Variants in STAT5B observed in about 807,000 individuals in gnomAD.
The protein encoded by STAT5B is transcription factor STAT5B.
STAT5B carries 21 observed loss-of-function variants against 107.8 expected under a neutral mutation model. The observed-to-expected ratio is 0.19, with a 90% confidence interval of 0.14 to 0.28. The LOEUF (loss-of-function observed/expected upper bound fraction) is 0.28. STAT5B is among the 10% of genes least tolerant of loss of function. STAT5B has a pLI of 1.00. For synonymous variants in STAT5B, 325 were observed against 401.7 expected (o/e 0.81, Z 2.28); for missense variants, 565 against 1,008.2 (o/e 0.56, Z 5.95).
At chr17:42,214,678 T>C (rs2080156136) in intron 12 of STAT5B, 7 of 957,302 alleles carry the variant, frequency 7.3e-6, no homozygotes, top group Non-Finnish European at 8.7e-6. Context: ...ATGTCCCAAA[T>C]GATAACCCTT....
intron 1 of STAT5B, among the ~76,000 whole-genome samples, chr17:42,249,225 C>G (rs1289467972): frequency 6.6e-6 from 1 of 152,098 alleles, no homozygotes; most frequent in Non-Finnish European, 1.5e-5. Flanking sequence ...AACCCCGTCT[C>G]TACCAAAAAT....
chr17:42,258,463 G>A (rs1034492816), intron 1 of STAT5B, among the ~76,000 whole-genome samples: 3 of 152,216 alleles, frequency 2.0e-5, no homozygotes, highest in Admixed American at 2.0e-4. Flanking sequence ...AGGATCACCT[G>A]AGGTCAGGAG....
intron 1 of STAT5B, among the ~76,000 whole-genome samples, chr17:42,245,613 C>T (rs1024150762): frequency 6.6e-6 from 1 of 151,998 alleles, no homozygotes; most frequent in African/African-American, 2.4e-5. Flanking sequence ...ACCTCCGCCC[C>T]CCAGGTTCAA....
In STAT5B at chr17:42,200,733, A is replaced by G. The variant is rs2080037160; in HGVS notation, c.*1005T>C. 1 of 207,826 alleles carries G rather than the reference A, an allele frequency of 4.8e-6. No individual in the cohort carries two copies. Among genetic ancestry groups the G allele is most frequent in the Non-Finnish European group, 9.5e-6 (1 of 105,210 alleles). 12.9% of individuals were successfully genotyped at this position (207,826 alleles called of 1,614,324 possible). A position where few individuals can be genotyped will look rare whatever the true frequency, so the allele number is the denominator to read the frequency against. On this transcript the variant is annotated 3_prime_UTR_variant, in exon 19 of 19. Transcript: ENST00000293328. ...GGGTGGCAAGGAGAAAACAAAAAAG[A>G]TCCAACTTAGAAACAGAACCATGAT...
rs114319120 is a variant in STAT5B, at chr17:42,226,260, T to A, written c.285+1269A>T. ...TACATTAATTATTTTAAAATGCCAA[T>A]GTAATGAAAGACAAAGTAAGGTTGC... On this transcript the variant is annotated intron_variant, in intron 3 of 18. Coordinates refer to ENST00000293328, the MANE Select transcript of STAT5B (RefSeq NM_012448.4). Among the ~76,000 whole-genome samples, 521 of 152,114 alleles carry A rather than the reference T, an allele frequency of 3.4e-3. 1 individual carries two copies. The highest frequency in any genetic ancestry group is 0.012 in the African/African-American group (498 of 41,484).
chr17:42,230,140 AT>A (rs1216781394), intron 2 of STAT5B, among the ~76,000 whole-genome samples: 5 of 151,996 alleles, frequency 3.3e-5, no homozygotes, highest in South Asian at 2.1e-4. Flanking sequence ...TATTTAGCTA[AT>A]TTTTTTCCCT....
At chr17:42,206,380 G>A (rs2080085094) in intron 16 of STAT5B, among the ~76,000 whole-genome samples, 1 of 150,716 alleles carries the variant, frequency 6.6e-6, no homozygotes, top group Non-Finnish European at 1.5e-5. Context: ...ATGAGCCACC[G>A]CGCCCGGCCT....
chr17:42,213,458 T>G (rs947940254), intron 12 of STAT5B, among the ~76,000 whole-genome samples: 1 of 152,030 alleles, frequency 6.6e-6, no homozygotes, highest in African/African-American at 2.4e-5. Flanking sequence ...CCGCTTGCCT[T>G]GGCCTCCCAA....
intron 16 of STAT5B, among the ~76,000 whole-genome samples, chr17:42,204,537 G>GT (rs2080071355): frequency 6.6e-6 from 1 of 152,184 alleles, no homozygotes; most frequent in Admixed American, 6.5e-5. Context: ...TTCATAACAT[G>GT]TTTTTTGTGC....
intron 15 of STAT5B, among the ~76,000 whole-genome samples, chr17:42,208,121 T>C (rs1258680130): frequency 1.5e-4 from 23 of 152,050 alleles, no homozygotes; most frequent in African/African-American, 5.6e-4. Context: ...CTTGATCTCC[T>C]GACCTCATGA....
intron 1 of STAT5B, among the ~76,000 whole-genome samples, chr17:42,252,332 G>A (rs1381479922): frequency 6.6e-6 from 1 of 152,070 alleles, no homozygotes; most frequent in African/African-American, 2.4e-5. Flanking sequence ...TTTAAAAGAT[G>A]GGATGTTTTC....
chr17:42,247,910 G>A (rs758273309), intron 1 of STAT5B, among the ~76,000 whole-genome samples: 5 of 151,146 alleles, frequency 3.3e-5, no homozygotes, highest in African/African-American at 7.3e-5. Context: ...CTATGATTGC[G>A]CCACTGCATG....
intron 1 of STAT5B, among the ~76,000 whole-genome samples, chr17:42,254,927 C>T (rs781728444): frequency 2.0e-5 from 3 of 151,998 alleles, no homozygotes; most frequent in Non-Finnish European, 2.9e-5. Context: ...CCTGTCTCTA[C>T]AAAAAATACA....
At chr17:42,266,413 A>C (rs1055956365) in intron 1 of STAT5B, among the ~76,000 whole-genome samples, 5 of 151,840 alleles carry the variant, frequency 3.3e-5, no homozygotes, top group African/African-American at 1.2e-4. Context: ...CAAAACCATA[A>C]ATTTTGAGAA....
chr17:42,276,414 G>C (rs2080767205), upstream of STAT5B: 1 of 146,614 alleles, frequency 6.8e-6, no homozygotes, highest in Non-Finnish European at 1.5e-5. This position sits in a 1 kb window ranked among gnomAD's most constrained non-coding sequence, Gnocchi z 4.8. Flanking sequence ...GCCGGGGCCC[G>C]CGGGGGCGCG....
At chr17:42,217,890 G>C (rs2080186520) in intron 9 of STAT5B, 1 of 518,002 alleles carries the variant, frequency 1.9e-6, no homozygotes, top group African/African-American at 1.9e-5. Flanking sequence ...ATTTTTAGTA[G>C]AGACAGGGTT....
intron 18 of STAT5B, 76 bp downstream of exon 18, chr17:42,202,264 C>T: frequency 6.4e-7 from 1 of 1,566,390 alleles, no homozygotes; most frequent in Non-Finnish European, 8.7e-7. Context: ...TCCTTTGACC[C>T]CAGCCCTCCA....
Position 42,266,716 on chromosome 17 carries a change from T to TA in STAT5B, c.-11+9531dup, listed in dbSNP as rs144591534. 7.2e-3 allele frequency among the ~76,000 whole-genome samples: 1,101 copies of TA among 152,070 alleles called. 12 individuals carry two copies. The highest frequency in any genetic ancestry group is 0.025 in the African/African-American group (1,045 of 41,482). On this transcript the variant is annotated intron_variant, in intron 1 of 18. Coordinates refer to ENST00000293328, the MANE Select transcript of STAT5B (RefSeq NM_012448.4). Reference sequence around the variant, plus strand: ...CAAGACCCCTGTCTCTATTTTTTTTTAACTATGTGCATTTTTCTGGTATTG... The same window carrying TA: ...CAAGACCCCTGTCTCTATTTTTTTTTAAACTATGTGCATTTTTCTGGTATTG...
the STAT5B span, among the ~76,000 whole-genome samples, chr17:42,285,082 T>A: frequency 7.4e-5 from 11 of 147,850 alleles, no homozygotes; most frequent in Non-Finnish European, 1.1e-4. Context: ...ATATATTGCT[T>A]TTTTTTTTTT....
Sources: gnomAD v4.1 joint callset for allele counts (sites outside exome capture counted in the v4.1 genomes callset) on GRCh38, gnomAD v4.1.1 for gene constraint, Gnocchi (gnomAD v3.1) non-coding constraint, MANE v1.5 for transcripts, NCBI Gene and HGNC (gene_info 2026-07-23, HGNC 2026-07-21) for gene names.